Variants in TMEM270 observed in about 807,000 individuals in gnomAD.
TMEM270 encodes transmembrane protein 270.
In TMEM270, 30 loss-of-function variants were observed where a neutral mutation model predicts 29.9. The ratio of observed to expected loss-of-function variants is 1.00; its 90% CI spans 0.75 to 1.36. The LOEUF (loss-of-function observed/expected upper bound fraction) is 1.36. Ranked by LOEUF, TMEM270 falls within the 40% of genes most tolerant of loss-of-function variation. The pLI, the probability that TMEM270 is intolerant of heterozygous loss-of-function variation, is 0.00. For synonymous variants in TMEM270, 135 were observed against 139.8 expected, an observed-to-expected ratio of 0.97 and a Z score of 0.24; for missense variants, 313 against 307.1, an observed-to-expected ratio of 1.02 and a Z score of -0.14.
chr7:73,862,437 T>C (rs73371831), intron 1 of TMEM270, among the ~76,000 whole-genome samples: 4,743 of 151,802 alleles, frequency 0.031, 224 homozygotes, highest in African/African-American at 0.11. Flanking sequence ...CACATGCTTG[T>C]GGTCGGGGTC....
rs115493501 is a variant in TMEM270, at chr7:73,861,412, C to T, written c.72+146C>T. 1.9e-3 allele frequency: 1,337 copies of T among 698,178 alleles called. 20 individuals are homozygous for T. The African/African-American group carries it at 0.02, about 11-fold the overall frequency. The allele number at this position is 698,178 out of a possible 1,614,324, so 43.2% of individuals were successfully genotyped here. A position where few individuals can be genotyped will look rare whatever the true frequency, so the allele number is the denominator to read the frequency against. On this transcript the variant is annotated intron_variant, in intron 1 of 2. Coordinates refer to ENST00000320531, the MANE Select transcript of TMEM270 (RefSeq NM_182504.4). ...GCCTTCCAGAATAATCTGACATCTCCCAGAAGCCCCACTCCAAACTACAGT... is the reference window on the plus strand; with the variant it reads ...GCCTTCCAGAATAATCTGACATCTCTCAGAAGCCCCACTCCAAACTACAGT...
At chr7:73,861,337 G>T in intron 1 of TMEM270, 71 bp downstream of exon 1, 21 of 1,470,578 alleles carry the variant, frequency 1.4e-5, no homozygotes, top group Non-Finnish European at 2.0e-5. Context: ...CCTCAGAGCT[G>T]CCGGGCCCAA....
Position 73,865,091 on chromosome 7 carries a change from C to T in TMEM270, c.171C>T (p.Ser57=). The T allele has an allele frequency of 1.3e-6, 2 of 1,565,150 alleles. No individual in the cohort carries two copies. The highest frequency in any genetic ancestry group is 1.7e-6 in the Non-Finnish European group (2 of 1,155,386). Residue 57 remains serine, a synonymous_variant, in exon 2 of 3, where the codon TCC becomes TCT. Transcript: ENST00000320531. ...VSGLAQEARG[S]CNWQAHLPLG... ...GGCTGGCCCAGGAGGCCCGGGGGTC[C>T]TGTAACTGGCAGGCCCACCTACCCC...
Position 73,865,566 on chromosome 7 carries a change from C to CA in TMEM270, c.502-11_502-10insA. The CA allele has an allele frequency of 6.2e-7, 1 of 1,611,536 alleles. No homozygotes were observed. Among genetic ancestry groups the CA allele is most frequent in the African/African-American group, 1.3e-5 (1 of 74,998 alleles). Reference sequence around the variant, plus strand: ...CTAAGGGCCACCTGCCCATCTGTCTCCCTGTTCCAGGCCTTGCAAGTGAAC... The same window carrying CA: ...CTAAGGGCCACCTGCCCATCTGTCTCACCTGTTCCAGGCCTTGCAAGTGAAC... On this transcript the variant is annotated splice_polypyrimidine_tract_variant and intron_variant, in intron 2 of 2. Coordinates refer to ENST00000320531, the MANE Select transcript of TMEM270 (RefSeq NM_182504.4).
chr7:73,862,774 C>T (rs1480318112), intron 1 of TMEM270, among the ~76,000 whole-genome samples: 1 of 145,764 alleles, frequency 6.9e-6, no homozygotes, highest in Non-Finnish European at 1.5e-5. Flanking sequence ...GCAGGAGAAT[C>T]GCTTGAACCT....
At chr7:73,862,168 T>A (rs1159892551) in intron 1 of TMEM270, among the ~76,000 whole-genome samples, 1 of 150,964 alleles carries the variant, frequency 6.6e-6, no homozygotes, top group African/African-American at 2.4e-5. Context: ...AGTGTAATGG[T>A]GCGATCTCGG....
chr7:73,861,387 G>T, intron 1 of TMEM270, 121 bp downstream of exon 1: 1 of 868,506 alleles, frequency 1.2e-6, no homozygotes, highest in Non-Finnish European at 1.8e-6. Flanking sequence ...GTGGCTGCCT[G>T]CCTTCCAGAA....
Position 73,865,182 on chromosome 7 carries a change from G to T in TMEM270, c.262G>T (p.Val88Leu), listed in dbSNP as rs782084386. The T allele has an allele frequency of 6.2e-7, 1 of 1,613,190 alleles. No homozygotes were observed. Among genetic ancestry groups the T allele is most frequent in the Non-Finnish European group, 8.5e-7 (1 of 1,179,448 alleles). ...TGGGCTGGCTCTGATACAGGTCCCC[G>T]TATGGCTGGTGCTACAGGGACCCAG... Reference protein sequence around the residue: ...WAGLALIQVPVWLVLQGPRLM... With the variant: ...WAGLALIQVPLWLVLQGPRLM... The change falls in exon 2 of 3, where the codon GTA (valine) becomes TTA (leucine). Residue 88 changes from valine (V) to leucine (L), a missense_variant. Val to Leu is a conservative substitution (Grantham distance 32). Transcript: ENST00000320531.
At chr7:73,863,899 C>T (rs1314084969) in intron 1 of TMEM270, among the ~76,000 whole-genome samples, 2 of 152,086 alleles carry the variant, frequency 1.3e-5, no homozygotes, top group Non-Finnish European at 2.9e-5. Flanking sequence ...GGGTTCAAAG[C>T]CCACAGGATT....
chr7:73,865,293 G>A lies in TMEM270; in HGVS notation c.373G>A (p.Ala125Thr), dbSNP rs782231720. 1.1e-5 allele frequency: 17 copies of A among 1,613,298 alleles called. No homozygotes were observed. In the South Asian group the frequency reaches 1.9e-4, roughly 18 times the overall value. Reference sequence around the variant, plus strand: ...CTGGGAGCAGCTGGGCCTGTCTGTGGCCATCTGGACAGATCTGTTTTTGTC... The same window carrying A: ...CTGGGAGCAGCTGGGCCTGTCTGTGACCATCTGGACAGATCTGTTTTTGTC... ...SAWEQLGLSV[A>T]IWTDLFLSCL... The change falls in exon 2 of 3, where the codon GCC (alanine) becomes ACC (threonine). Residue 125 changes from alanine (A) to threonine (T), a missense_variant. Coordinates refer to ENST00000320531, the MANE Select transcript of TMEM270 (RefSeq NM_182504.4).
rs192633779 is a variant in TMEM270, at chr7:73,862,146, C to T, written c.72+880C>T. On this transcript the variant is annotated intron_variant, in intron 1 of 2. Coordinates refer to ENST00000320531, the MANE Select transcript of TMEM270 (RefSeq NM_182504.4). ...TTTTTCAGATGCAGTCTTGCCCTGT[C>T]GCGCAGGCTGCAGTGTAATGGTGCG... Among the ~76,000 whole-genome samples the T allele has an allele frequency of 3.5e-4, 52 of 147,334 alleles. 1 individual carries two copies. The highest frequency in any genetic ancestry group is 2.6e-3 in the Admixed American group (39 of 14,722).
In TMEM270 at chr7:73,865,577, G is replaced by T. The variant is rs556851694; in HGVS notation, c.502G>T (p.Ala168Ser). The change falls in exon 3 of 3, where the codon GCC becomes TCC. Residue 168 changes from alanine (A) to serine (S), a missense_variant and splice_region_variant. Physicochemically the swap from Ala to Ser is moderately conservative, Grantham distance 99. Transcript: ENST00000320531. ...CTGCCCATCTGTCTCCCTGTTCCAGGCCTTGCAAGTGAACTGCGTGGTAAG... is the reference window on the plus strand; with the variant it reads ...CTGCCCATCTGTCTCCCTGTTCCAGTCCTTGCAAGTGAACTGCGTGGTAAG... ...CFRLGRQLSKALQVNCVVRKL... is the reference protein window; with the variant it reads ...CFRLGRQLSKSLQVNCVVRKL... 1 of 1,613,174 alleles carries T rather than the reference G, an allele frequency of 6.2e-7. No individual in the cohort carries two copies. The highest frequency in any genetic ancestry group is 1.3e-5 in the African/African-American group (1 of 75,032).
intron 1 of TMEM270, 73 bp from the exon 2 acceptor site, chr7:73,864,920 A>T: frequency 1.6e-6 from 2 of 1,230,648 alleles, no homozygotes; most frequent in Non-Finnish European, 2.2e-6. Flanking sequence ...AAAAAAAAGA[A>T]AAAGAAAAAG....
At chr7:73,863,106 T>C (rs1407170687) in intron 1 of TMEM270, among the ~76,000 whole-genome samples, 3 of 152,084 alleles carry the variant, frequency 2.0e-5, no homozygotes, top group South Asian at 4.1e-4. Context: ...CTGGACCCTT[T>C]GGTCTCAGCA....
At chr7:73,864,541 T>C (rs117435387) in intron 1 of TMEM270, among the ~76,000 whole-genome samples, 4,409 of 152,132 alleles carry the variant, frequency 0.029, 124 homozygotes, top group Non-Finnish European at 0.037. Flanking sequence ...CTTGCACCTG[T>C]GGGGAGCTGA....
chr7:73,861,510 T>C, intron 1 of TMEM270: 1 of 633,316 alleles, frequency 1.6e-6, no homozygotes, highest in South Asian at 1.5e-5. Context: ...AGCGCAGTGG[T>C]GCCGGCTCAG....
chr7:73,863,472 C>T (rs1788831127), intron 1 of TMEM270, among the ~76,000 whole-genome samples: 1 of 151,956 alleles, frequency 6.6e-6, no homozygotes, highest in Non-Finnish European at 1.5e-5. Flanking sequence ...AAACTGCAAC[C>T]TCCGCCTCCT....
chr7:73,865,732 T>C lies in TMEM270; in HGVS notation c.657T>C (p.Phe219=). The change falls in exon 3 of 3, where the codon TTT becomes TTC. Residue 219 remains phenylalanine (F), a synonymous_variant. Coordinates refer to ENST00000320531, the MANE Select transcript of TMEM270 (RefSeq NM_182504.4). ...CCTCCCACCTGCTGCAGGCTGCCTT[T>C]GAGCACACGACCCAGCTGGCCGAGG... ...CLASHLLQAA[F]EHTTQLAEAQ... is the part of the protein sequence containing the mutation. The C allele has an allele frequency of 6.2e-7, 1 of 1,614,104 alleles. No homozygotes were observed. Among genetic ancestry groups the C allele is most frequent in the Non-Finnish European group, 8.5e-7 (1 of 1,180,008 alleles).
At chr7:73,863,224 G>C (rs1788824676) in intron 1 of TMEM270, among the ~76,000 whole-genome samples, 1 of 152,068 alleles carries the variant, frequency 6.6e-6, no homozygotes, top group Non-Finnish European at 1.5e-5. Flanking sequence ...GGGGGGTCCA[G>C]GTGGGTGGAT....
Sources: gnomAD v4.1 joint callset for allele counts (sites outside exome capture counted in the v4.1 genomes callset) on GRCh38, gnomAD v4.1.1 for gene constraint, MANE v1.5 for transcripts, NCBI Gene and HGNC (gene_info 2026-07-23, HGNC 2026-07-21) for gene names.